The following RASA4B variants were observed in gnomAD, a reference collection of about 807,000 sequenced individuals.
The protein encoded by RASA4B is RAS p21 protein activator 4B.
RASA4B carries 2 observed loss-of-function variants against 24.2 expected under a neutral mutation model. The ratio of observed to expected loss-of-function variants is 0.08; its 90% CI spans 0.03 to 0.26. RASA4B has a LOEUF of 0.26. RASA4B is among the 10% of genes least tolerant of loss of function. The pLI is 1.00. For synonymous variants in RASA4B, 2 were observed against 125.6 expected (o/e 0.02, Z 6.58); for missense variants, 8 against 277.2 (o/e 0.03, Z 6.90).
chr7:102,506,283 G>A (rs79703831), intron 5 of RASA4B, among the ~76,000 whole-genome samples: 11,395 of 120,268 alleles, frequency 0.095, 3 homozygotes, highest in Non-Finnish European at 0.16. Context: ...ATACAGTCTC[G>A]CTTGTCACCC....
chr7:102,489,742 G>A (rs1798852717), intron 17 of RASA4B, among the ~76,000 whole-genome samples: 1 of 143,286 alleles, frequency 7.0e-6, no homozygotes, highest in South Asian at 2.3e-4. Context: ...TGCTCCCTTA[G>A]TCCCTTCTGG....
chr7:102,498,523 T>G (rs1799250430), intron 8 of RASA4B, among the ~76,000 whole-genome samples: 1 of 144,114 alleles, frequency 6.9e-6, no homozygotes, highest in Non-Finnish European at 1.6e-5. Flanking sequence ...GCCACCCAAG[T>G]GCTGAGATTA....
intron 5 of RASA4B, among the ~76,000 whole-genome samples, chr7:102,504,721 C>T (rs1192218719): frequency 1.2e-4 from 17 of 142,074 alleles, no homozygotes; most frequent in African/African-American, 4.2e-4. Flanking sequence ...AAAAACAGCC[C>T]GGGTGCAGTG....
At chr7:102,512,252 T>TG (rs1799708910) in intron 1 of RASA4B, among the ~76,000 whole-genome samples, 2 of 1,214 alleles carry the variant, frequency 1.6e-3, no homozygotes, top group African/African-American at 4.4e-3. Flanking sequence ...GGGAGAGTTG[T>TG]GGGGGAGGGA....
chr7:102,498,571 C>T (rs1369103632), intron 8 of RASA4B, among the ~76,000 whole-genome samples: 5 of 140,186 alleles, frequency 3.6e-5, no homozygotes, highest in African/African-American at 1.0e-4. Context: ...TTTCTTGAGA[C>T]GGAGTTTCGC....
rs1001461059 is a variant in RASA4B, at chr7:102,482,212, C to G, written c.*1380G>C. Reference sequence around the variant, plus strand: ...CGGGCACAACGTGTGGCCTGGGTACCACAGGGCCAGAAGAGAGGGACAGGG... The same window carrying G: ...CGGGCACAACGTGTGGCCTGGGTACGACAGGGCCAGAAGAGAGGGACAGGG... On this transcript the variant is annotated 3_prime_UTR_variant, in exon 21 of 21. Coordinates refer to ENST00000465829, the MANE Select transcript of RASA4B (RefSeq NM_001367767.2). Among the ~76,000 whole-genome samples, 3 of 150,160 alleles carry G rather than the reference C, an allele frequency of 2.0e-5. No individual in the cohort carries two copies. The highest frequency in any genetic ancestry group is 7.3e-5 in the African/African-American group (3 of 41,140).
rs1234809490 is a variant in RASA4B, at chr7:102,480,106, A to G, written c.*3486T>C. 6.6e-6 allele frequency among the ~76,000 whole-genome samples: 1 copy of G among 152,096 alleles called. No homozygotes were observed. The highest frequency in any genetic ancestry group is 1.5e-5 in the Non-Finnish European group (1 of 68,022). ...GGAGTGACCAGAAGACAAGAGTGCG[A>G]GCTTTCTGTTATGCCCGGACAGGGC... On this transcript the variant is annotated 3_prime_UTR_variant, in exon 21 of 21. Transcript: ENST00000465829.
rs1014215422 is a variant in RASA4B at position 102,480,250 on chromosome 7, A to T, written c.*3342T>A. On this transcript the variant is annotated 3_prime_UTR_variant, in exon 21 of 21. Transcript: ENST00000465829. ...AGGAAAAACACCCGCTACTTAGCAG[A>T]CCAGGAAAGGGAGTGTACAGTGAGA... 3.3e-5 allele frequency among the ~76,000 whole-genome samples: 5 copies of T among 152,184 alleles called. No individual in the cohort carries two copies. Among genetic ancestry groups the T allele is most frequent in the African/African-American group, 1.2e-4 (5 of 41,464 alleles).
At chr7:102,492,941 C>T (rs1433401221) in intron 16 of RASA4B, among the ~76,000 whole-genome samples, 175 bp downstream of exon 16, 1 of 145,296 alleles carries the variant, frequency 6.9e-6, no homozygotes, top group Non-Finnish European at 1.6e-5. Context: ...CCTGGGATTA[C>T]AGGCGTGAGC....
intron 17 of RASA4B, among the ~76,000 whole-genome samples, chr7:102,489,595 C>T (rs879492784): frequency 0.054 from 7,240 of 133,020 alleles, 33 homozygotes; most frequent in East Asian, 0.13. Context: ...CAGGTTCAAG[C>T]GATTCTCCTG....
rs989662755 is a variant in RASA4B, at chr7:102,480,174, G to A, written c.*3418C>T. 1.3e-3 allele frequency among the ~76,000 whole-genome samples: 205 copies of A among 152,124 alleles called. 2 individuals are homozygous for A. Among genetic ancestry groups the A allele is most frequent in the Non-Finnish European group, 1.9e-3 (127 of 68,032 alleles). ...GTCTAGCGGTAACGCCAGCATCTGG[G>A]AAGACACCTGTTGCCAAGCCCACCG... On this transcript the variant is annotated 3_prime_UTR_variant, in exon 21 of 21. Coordinates refer to ENST00000465829, the MANE Select transcript of RASA4B (RefSeq NM_001367767.2).
At position 102,481,234 on chromosome 7, in the gene RASA4B, TAA is replaced by T. The variant is rs749322349; in HGVS notation, c.*2356_*2357del. The stretch of plus-strand genomic sequence containing the variant: ...TTTCCCTTTTTTTTTTTTTTTTTTT[TAA>T]TTTTAGGGACTAGGTTTTGCTATGT... On this transcript the variant is annotated 3_prime_UTR_variant, in exon 21 of 21. Coordinates refer to ENST00000465829, the MANE Select transcript of RASA4B (RefSeq NM_001367767.2). Among the ~76,000 whole-genome samples, 8 of 56,622 alleles carry T rather than the reference TAA, an allele frequency of 1.4e-4. No homozygotes were observed. The highest frequency in any genetic ancestry group is 3.6e-4 in the African/African-American group (7 of 19,404). The allele number at this position is 56,622 out of a possible 152,430, so 37.1% of individuals were successfully genotyped here. A position where few individuals can be genotyped will look rare whatever the true frequency, so the allele number is the denominator to read the frequency against.
intron 1 of RASA4B, among the ~76,000 whole-genome samples, chr7:102,512,649 G>C (rs1428994865): frequency 6.7e-5 from 4 of 59,428 alleles, no homozygotes; most frequent in African/African-American, 2.2e-4. Context: ...GAGTAGGAGG[G>C]GGAGAGAGGG....
At chr7:102,489,491 A>AT (rs1456481175) in intron 17 of RASA4B, among the ~76,000 whole-genome samples, 4 of 129,146 alleles carry the variant, frequency 3.1e-5, no homozygotes, top group South Asian at 5.6e-4. Context: ...TAATTTACTA[A>AT]TTAATTTATT....
At chr7:102,484,659 C>G (rs1798645666) in intron 19 of RASA4B, among the ~76,000 whole-genome samples, 1 of 134,756 alleles carries the variant, frequency 7.4e-6, no homozygotes, top group Non-Finnish European at 1.6e-5. Flanking sequence ...GTGATGGGGC[C>G]TTGGCATCCT....
chr7:102,488,830 T>A (rs1219839264), intron 17 of RASA4B, among the ~76,000 whole-genome samples: 1 of 152,308 alleles, frequency 6.6e-6, no homozygotes, highest in South Asian at 2.1e-4. Flanking sequence ...AGTGGCTCAC[T>A]CCTATAATGC....
At chr7:102,500,454 G>T (rs1799325068) in intron 8 of RASA4B, among the ~76,000 whole-genome samples, 1 of 141,788 alleles carries the variant, frequency 7.1e-6, no homozygotes, top group African/African-American at 2.6e-5. Context: ...CCTGGGGACA[G>T]AGTGAGACTC....
chr7:102,486,670 GT>G (rs1218384533), intron 18 of RASA4B, among the ~76,000 whole-genome samples: 2 of 4,362 alleles, frequency 4.6e-4, no homozygotes, highest in African/African-American at 6.6e-4. Flanking sequence ...TTTTTTTTTT[GT>G]TTTTTTGTTT....
intron 1 of RASA4B, among the ~76,000 whole-genome samples, chr7:102,513,195 G>A (rs1394856685): frequency 2.8e-3 from 387 of 139,654 alleles, no homozygotes; most frequent in African/African-American, 9.5e-3. Flanking sequence ...GCCCCAGGAC[G>A]GGACGGGGAG....
Sources: gnomAD v4.1 joint callset for allele counts (sites outside exome capture counted in the v4.1 genomes callset) on GRCh38, gnomAD v4.1.1 for gene constraint, MANE v1.5 for transcripts, NCBI Gene and HGNC (gene_info 2026-07-23, HGNC 2026-07-21) for gene names.